Variants in SNRK observed in about 807,000 individuals in gnomAD.
The protein encoded by SNRK is SNF related kinase.
In SNRK, 3 loss-of-function variants were observed where a neutral mutation model predicts 48.2. That is an observed-to-expected ratio of 0.06 (90% CI 0.03 to 0.16). The LOEUF is 0.16. Among genes scored for constraint, SNRK ranks in the 10% least tolerant of loss-of-function variants. SNRK has a pLI of 1.00. For synonymous variants in SNRK, 376 were observed against 366.1 expected (o/e 1.03, Z -0.31); for missense variants, 627 against 976.0 (o/e 0.64, Z 4.76).
intron 3 of SNRK, among the ~76,000 whole-genome samples, chr3:43,304,708 TC>T (rs2090924041): frequency 6.6e-6 from 1 of 152,112 alleles, no homozygotes; most frequent in African/African-American, 2.4e-5. Flanking sequence ...GTATGAGTAT[TC>T]TGCTTGCATT....
chr3:43,333,478 G>T (rs1332657178), intron 4 of SNRK: 1 of 149,288 alleles, frequency 6.7e-6, no homozygotes, highest in Non-Finnish European at 1.5e-5. Context: ...TAGGGTTATT[G>T]TGAAAATTAA....
At position 43,322,823 on chromosome 3, in the gene SNRK, G is replaced by T. The variant is rs1320864156; in HGVS notation, c.590-9346G>T. 2.6e-5 allele frequency among the ~76,000 whole-genome samples: 4 copies of T among 151,670 alleles called. No individual in the cohort carries two copies. The East Asian group carries it at 7.7e-4, about 29-fold the overall frequency. ...AAAAATTAGCTGGGAGTGGTGGTGG[G>T]TGCCTGTAGTCCCAGCTACTCAGGA... is the stretch of plus-strand genomic sequence containing the variant. On this transcript the variant is annotated intron_variant, in intron 3 of 6. Transcript: ENST00000296088.
intron 3 of SNRK, among the ~76,000 whole-genome samples, chr3:43,323,574 A>G (rs1279538046): frequency 3.3e-5 from 5 of 152,156 alleles, no homozygotes; most frequent in African/African-American, 1.2e-4. Context: ...ATAAACATAC[A>G]CTTACCCAGC....
chr3:43,287,442 A>G (rs1016183247), intron 1 of SNRK, among the ~76,000 whole-genome samples: 2 of 152,206 alleles, frequency 1.3e-5, no homozygotes, highest in Admixed American at 6.5e-5. Flanking sequence ...TGGATCGCAT[A>G]CAGTCCAGTA....
At chr3:43,321,050 TTA>T (rs1408321647) in intron 3 of SNRK, among the ~76,000 whole-genome samples, 1 of 152,154 alleles carries the variant, frequency 6.6e-6, no homozygotes, top group African/African-American at 2.4e-5. Flanking sequence ...TTGTACTCAG[TTA>T]TCAGTTTGTG....
intron 3 of SNRK, among the ~76,000 whole-genome samples, chr3:43,317,934 A>G (rs1396918332): frequency 6.6e-6 from 1 of 152,218 alleles, no homozygotes; most frequent in Non-Finnish European, 1.5e-5. Flanking sequence ...ATACATGTAA[A>G]GTACTTAGCA....
intron 1 of SNRK, among the ~76,000 whole-genome samples, chr3:43,290,969 A>G (rs1469777517): frequency 2.0e-5 from 3 of 152,186 alleles, no homozygotes; most frequent in Non-Finnish European, 4.4e-5. Context: ...CATTTGTGAT[A>G]AGGGTCATAA....
intron 3 of SNRK, among the ~76,000 whole-genome samples, chr3:43,320,413 A>G (rs1166587111): frequency 3.3e-5 from 5 of 152,200 alleles, no homozygotes; most frequent in Non-Finnish European, 5.9e-5. Flanking sequence ...TTTAAGAGAA[A>G]CAACATGGAT....
chr3:43,313,663 A>G (rs2090994942), intron 3 of SNRK, among the ~76,000 whole-genome samples: 1 of 152,208 alleles, frequency 6.6e-6, no homozygotes, highest in South Asian at 2.1e-4. Flanking sequence ...GAAACTACAT[A>G]CACAAATAAA....
intron 3 of SNRK, chr3:43,314,970 A>G (rs1426143500): frequency 6.6e-6 from 1 of 152,078 alleles, no homozygotes; most frequent in Non-Finnish European, 1.5e-5. Context: ...GGTGGCACAC[A>G]CCTATAGTCC....
chr3:43,326,124 C>T (rs978607697), intron 3 of SNRK, among the ~76,000 whole-genome samples: 1 of 152,068 alleles, frequency 6.6e-6, no homozygotes, highest in African/African-American at 2.4e-5. Context: ...AACACTTTGA[C>T]TTCTTGAACT....
At chr3:43,310,107 C>T (rs183637445) in intron 3 of SNRK, among the ~76,000 whole-genome samples, 11 of 152,232 alleles carry the variant, frequency 7.2e-5, no homozygotes, top group Non-Finnish European at 1.6e-4. Context: ...CCCACAGTAT[C>T]GCTGAGGTAT....
rs1403164867 is a variant in SNRK at position 43,348,855 on chromosome 3, AAT to A, written c.*299_*300del. 16 of 258,420 alleles carry A rather than the reference AAT, an allele frequency of 6.2e-5. No homozygotes were observed. The highest frequency in any genetic ancestry group is 3.5e-4 in the African/African-American group (16 of 45,200). 16.0% of individuals were successfully genotyped at this position (258,420 alleles called of 1,614,324 possible). A position where few individuals can be genotyped will look rare whatever the true frequency, so the allele number is the denominator to read the frequency against. On this transcript the variant is annotated 3_prime_UTR_variant, in exon 7 of 7. Transcript: ENST00000296088. ...ACCTCTTATAAATGGAGCACTTAGA[AAT>A]TTGTTGTTCTGCACTTAACCTAGAG...
chr3:43,308,389 T>G (rs2090954378), intron 3 of SNRK, among the ~76,000 whole-genome samples: 1 of 152,152 alleles, frequency 6.6e-6, no homozygotes, highest in Non-Finnish European at 1.5e-5. Flanking sequence ...AGAGGAGAAG[T>G]CAATGCCTGG....
intron 5 of SNRK, among the ~76,000 whole-genome samples, chr3:43,343,067 A>G (rs2091249701): frequency 6.6e-6 from 1 of 152,192 alleles, no homozygotes; most frequent in South Asian, 2.1e-4. Flanking sequence ...TGTGTCTAAA[A>G]CTGACGTCTA....
intron 3 of SNRK, among the ~76,000 whole-genome samples, chr3:43,311,564 C>G (rs1160442729): frequency 6.6e-6 from 1 of 152,150 alleles, no homozygotes; most frequent in African/African-American, 2.4e-5. Flanking sequence ...GTGAAAAATC[C>G]TGGAATCTCT....
chr3:43,347,042 A>G lies in SNRK; in HGVS notation c.1080-297A>G, dbSNP rs961072838. On this transcript the variant is annotated intron_variant, in intron 6 of 6. Coordinates refer to ENST00000296088, the MANE Select transcript of SNRK (RefSeq NM_017719.5). This position sits in a 1 kb window ranked among gnomAD's most constrained non-coding sequence, Gnocchi z 5.4. ...CTCCATGGGCTTCTAAAAAATGTTT[A>G]GTATAAAGCTTTTGTATAGAAAAGA... 8 of 267,158 alleles carry G rather than the reference A, an allele frequency of 3.0e-5. No homozygotes were observed. The highest frequency in any genetic ancestry group is 8.8e-5 in the African/African-American group (4 of 45,428). The allele number at this position is 267,158 out of a possible 1,614,324, so 16.5% of individuals were successfully genotyped here. A position where few individuals can be genotyped will look rare whatever the true frequency, so the allele number is the denominator to read the frequency against.
chr3:43,348,239 GAGCACCAAGTAC>G lies in SNRK; in HGVS notation c.1982_1993del (p.Ser661_Tyr664del). 6.2e-7 allele frequency: 1 copy of G among 1,613,926 alleles called. No individual in the cohort carries two copies. The highest frequency in any genetic ancestry group is 8.5e-7 in the Non-Finnish European group (1 of 1,179,900). ...TCTGCCTCGGCTCCCAGCTTCATGGGAGCACCAAGTACATTATTGATCCACAGAATGGCTTGT... is the reference window on the plus strand; with the variant it reads ...TCTGCCTCGGCTCCCAGCTTCATGGGATTATTGATCCACAGAATGGCTTGT... On this transcript the variant is annotated inframe_deletion, in exon 7 of 7. Coordinates refer to ENST00000296088, the MANE Select transcript of SNRK (RefSeq NM_017719.5).
chr3:43,289,192 A>G (rs114247597), intron 1 of SNRK, among the ~76,000 whole-genome samples: 141 of 152,300 alleles, frequency 9.3e-4, no homozygotes, highest in African/African-American at 3.1e-3. Context: ...ACAACCTGAC[A>G]TGGAAATGCT....
Sources: gnomAD v4.1 joint callset for allele counts (sites outside exome capture counted in the v4.1 genomes callset) on GRCh38, gnomAD v4.1.1 for gene constraint, Gnocchi (gnomAD v3.1) non-coding constraint, MANE v1.5 for transcripts, NCBI Gene and HGNC (gene_info 2026-07-23, HGNC 2026-07-21) for gene names.